Variants in ZMAT4 observed in about 807,000 individuals in gnomAD.
ZMAT4 encodes zinc finger matrin-type protein 4.
In ZMAT4, 17 loss-of-function variants were observed where a neutral mutation model predicts 28.7. That is an observed-to-expected ratio of 0.59 (90% confidence interval 0.41 to 0.89). ZMAT4 has a LOEUF of 0.89. ZMAT4 is among the 40% of genes least tolerant of loss of function. The pLI, the probability that ZMAT4 is intolerant of heterozygous loss-of-function variation, is 0.00. For synonymous variants in ZMAT4, 117 were observed against 109.2 expected, an observed-to-expected ratio of 1.07 and a Z score of -0.44; for missense variants, 240 against 283.8, an observed-to-expected ratio of 0.85 and a Z score of 1.11.
intron 2 of ZMAT4, among the ~76,000 whole-genome samples, chr8:40,791,599 T>A (rs965981942): frequency 6.6e-6 from 1 of 152,130 alleles, no homozygotes; most frequent in Non-Finnish European, 1.5e-5. Flanking sequence ...CACACCCACA[T>A]CCAGCATTCT....
chr8:40,539,140 G>A lies in ZMAT4; in HGVS notation c.675-6902C>T, dbSNP rs905884596. Among the ~76,000 whole-genome samples, 4 of 152,116 alleles carry A rather than the reference G, an allele frequency of 2.6e-5. 1 individual carries two copies. The highest frequency in any genetic ancestry group is 5.9e-5 in the Non-Finnish European group (4 of 68,028). ...ATTGTTTCAGTAGCCATGTCACATT[G>A]CAATATTTTATGTACTGTCTGTGTC... On this transcript the variant is annotated intron_variant, in intron 6 of 6. Coordinates refer to ENST00000297737, the MANE Select transcript of ZMAT4 (RefSeq NM_024645.3).
chr8:40,579,705 C>T (rs549554559), intron 6 of ZMAT4, among the ~76,000 whole-genome samples: 4 of 152,292 alleles, frequency 2.6e-5, no homozygotes, highest in Admixed American at 2.6e-4. Flanking sequence ...CATACTCCTG[C>T]TTAGAAAACT....
chr8:40,655,504 G>GAA (rs1169223786), intron 5 of ZMAT4, among the ~76,000 whole-genome samples: 1 of 135,774 alleles, frequency 7.4e-6, no homozygotes, highest in Non-Finnish European at 1.6e-5. Context: ...AAAAAGTCTG[G>GAA]AAAAAAAAAA....
At chr8:40,767,946 A>G (rs1264837719) in intron 2 of ZMAT4, among the ~76,000 whole-genome samples, 1 of 152,242 alleles carries the variant, frequency 6.6e-6, no homozygotes, top group Non-Finnish European at 1.5e-5. Context: ...AAAACACAGT[A>G]ATGAAGAAGG....
chr8:40,825,805 C>T, intron 1 of ZMAT4, 125 bp from the exon 2 acceptor site: 1 of 675,080 alleles, frequency 1.5e-6, no homozygotes, highest in Non-Finnish European at 2.5e-6. Context: ...GGGTGGATCT[C>T]CCTACACTCT....
intron 4 of ZMAT4, among the ~76,000 whole-genome samples, chr8:40,695,973 G>A (rs1022211751): frequency 6.6e-6 from 1 of 152,016 alleles, no homozygotes; most frequent in Non-Finnish European, 1.5e-5. Context: ...ATTTTCCAGT[G>A]ACTGTTTTTT....
chr8:40,644,351 G>C (rs1034760735), intron 5 of ZMAT4, among the ~76,000 whole-genome samples: 1 of 152,020 alleles, frequency 6.6e-6, no homozygotes, highest in African/African-American at 2.4e-5. Flanking sequence ...TACAAAATGA[G>C]CCTTGAGCAT....
At chr8:40,644,184 G>T (rs1585805688) in intron 5 of ZMAT4, among the ~76,000 whole-genome samples, 1 of 151,980 alleles carries the variant, frequency 6.6e-6, no homozygotes, top group African/African-American at 2.4e-5. Flanking sequence ...AATATTTGAA[G>T]GGAAAGAATT....
In ZMAT4 at chr8:40,570,721, C is replaced by T. The variant is rs555009580; in HGVS notation, c.674+10444G>A. Among the ~76,000 whole-genome samples, 120 of 57,538 alleles carry T rather than the reference C, an allele frequency of 2.1e-3. 1 individual carries two copies. Among genetic ancestry groups the T allele is most frequent in the Middle Eastern group, 9.4e-3 (1 of 106 alleles). The allele number at this position is 57,538 out of a possible 152,430, so 37.7% of individuals were successfully genotyped here. A position where few individuals can be genotyped will look rare whatever the true frequency, so the allele number is the denominator to read the frequency against. On this transcript the variant is annotated intron_variant, in intron 6 of 6. Transcript: ENST00000297737. ...TCTCCAAAACAACAAAGAACAACAA[C>T]GACAGAAAACAAACAAACAAACAAA...
chr8:40,835,848 G>A (rs572613566), intron 1 of ZMAT4, among the ~76,000 whole-genome samples: 6 of 152,264 alleles, frequency 3.9e-5, no homozygotes, highest in East Asian at 1.9e-4. Flanking sequence ...CTCCTCTACC[G>A]CATATTAACT....
intron 5 of ZMAT4, among the ~76,000 whole-genome samples, chr8:40,612,122 C>T (rs1299426876): frequency 2.6e-5 from 4 of 152,184 alleles, no homozygotes; most frequent in African/African-American, 9.6e-5. Flanking sequence ...ATACCTTTCA[C>T]TTCACAGAGT....
intron 4 of ZMAT4, among the ~76,000 whole-genome samples, chr8:40,685,168 G>A (rs972313163): frequency 2.0e-5 from 3 of 152,126 alleles, no homozygotes; most frequent in African/African-American, 7.2e-5. Context: ...AGCAACTCTA[G>A]AATTCTTGAG....
At chr8:40,546,519 T>A (rs1274467127) in intron 6 of ZMAT4, among the ~76,000 whole-genome samples, 1 of 152,198 alleles carries the variant, frequency 6.6e-6, no homozygotes, top group Non-Finnish European at 1.5e-5. Flanking sequence ...TGATTAAAAT[T>A]CATGCTGACT....
chr8:40,666,671 A>G (rs13262668), intron 5 of ZMAT4, among the ~76,000 whole-genome samples: 16,044 of 152,238 alleles, frequency 0.11, 1,010 homozygotes, highest in Middle Eastern at 0.18. Flanking sequence ...AGCAACACAT[A>G]AAAATAAAAC....
chr8:40,755,883 G>T (rs1812657335), intron 3 of ZMAT4, among the ~76,000 whole-genome samples: 1 of 152,164 alleles, frequency 6.6e-6, no homozygotes. Context: ...AATTTGGCCA[G>T]TGGTTATTTT....
intron 2 of ZMAT4, among the ~76,000 whole-genome samples, chr8:40,794,263 G>C (rs1423208627): frequency 6.6e-6 from 1 of 152,160 alleles, no homozygotes; most frequent in Non-Finnish European, 1.5e-5. Flanking sequence ...ATGAGAAATA[G>C]CTTGTTGGCA....
intron 6 of ZMAT4, among the ~76,000 whole-genome samples, chr8:40,553,180 C>T (rs1205376464): frequency 1.3e-5 from 2 of 152,304 alleles, no homozygotes; most frequent in Admixed American, 1.3e-4. Context: ...CAGAGGCCTC[C>T]TGCCCACAGC....
intron 5 of ZMAT4, among the ~76,000 whole-genome samples, chr8:40,640,025 C>T (rs1806951206): frequency 6.6e-6 from 1 of 151,888 alleles, no homozygotes; most frequent in Non-Finnish European, 1.5e-5. Flanking sequence ...ACTCTGTCAC[C>T]CTGTGCAGTG....
intron 1 of ZMAT4, among the ~76,000 whole-genome samples, chr8:40,843,748 G>A (rs1431289975): frequency 6.6e-6 from 1 of 152,192 alleles, no homozygotes; most frequent in Non-Finnish European, 1.5e-5. Flanking sequence ...ACTCTCTGCA[G>A]AATGTGTGCA....
Sources: allele counts gnomAD v4.1 joint callset (sites outside exome capture counted in the v4.1 genomes callset), GRCh38; gene constraint gnomAD v4.1.1; transcripts MANE v1.5; gene names NCBI Gene and HGNC (gene_info 2026-07-23, HGNC 2026-07-21).